Variants in HSF5 observed in about 807,000 individuals in gnomAD.
HSF5 encodes heat shock factor protein 5.
In HSF5, 5 loss-of-function variants were observed where a neutral mutation model predicts 50.8. The observed-to-expected ratio is 0.10, with a 90% CI of 0.05 to 0.21. HSF5 has a LOEUF of 0.21. Among genes scored for constraint, HSF5 ranks in the 10% least tolerant of loss-of-function variants. The pLI, the probability that HSF5 is intolerant of heterozygous loss-of-function variation, is 1.00. For synonymous variants in HSF5, 307 were observed against 307.4 expected (o/e 1.00, Z 0.02); for missense variants, 564 against 762.6 (o/e 0.74, Z 3.07).
chr17:58,450,356 A>G (rs1043400639), intron 5 of HSF5, among the ~76,000 whole-genome samples: 3 of 150,954 alleles, frequency 2.0e-5, no homozygotes, highest in African/African-American at 7.3e-5. Flanking sequence ...AAAAAAAAAA[A>G]AAAAAAAGAT....
intron 2 of HSF5, among the ~76,000 whole-genome samples, chr17:58,472,017 C>CTAA (rs1974953084): frequency 6.6e-6 from 1 of 152,048 alleles, no homozygotes; most frequent in Non-Finnish European, 1.5e-5. Flanking sequence ...CCATGCCTGG[C>CTAA]TAATTTTTTT....
At chr17:58,445,915 C>T (rs985947723) in intron 5 of HSF5, among the ~76,000 whole-genome samples, 2 of 152,088 alleles carry the variant, frequency 1.3e-5, no homozygotes. Flanking sequence ...GTGGGCAGAT[C>T]ACCCGAGGTC....
At chr17:58,474,864 A>T (rs1974990623) in intron 2 of HSF5, among the ~76,000 whole-genome samples, 1 of 152,182 alleles carries the variant, frequency 6.6e-6, no homozygotes, top group East Asian at 1.9e-4. Context: ...TACAGGTGTA[A>T]GCCACTATAC....
At chr17:58,433,339 G>C (rs1974387717) in intron 5 of HSF5, among the ~76,000 whole-genome samples, 1 of 152,164 alleles carries the variant, frequency 6.6e-6, no homozygotes, top group Non-Finnish European at 1.5e-5. Flanking sequence ...TTGGGGAAAA[G>C]GTAGAATATA....
intron 2 of HSF5, chr17:58,476,388 C>T (rs1480259720): frequency 9.7e-7 from 1 of 1,030,824 alleles, no homozygotes; most frequent in African/African-American, 1.6e-5. Context: ...TAAAGAAGCT[C>T]CCTGGTTCCT....
At chr17:58,436,423 A>G (rs1327238068) in intron 5 of HSF5, among the ~76,000 whole-genome samples, 1 of 151,806 alleles carries the variant, frequency 6.6e-6, no homozygotes, top group African/African-American at 2.4e-5. Flanking sequence ...TGAAAATGTG[A>G]TTAGGTGTCA....
intron 3 of HSF5, among the ~76,000 whole-genome samples, chr17:58,466,141 TTCCAAAATCTGAAAAAA>T (rs1479477429): frequency 6.6e-6 from 1 of 152,142 alleles, no homozygotes; most frequent in Non-Finnish European, 1.5e-5. Flanking sequence ...TTTGGAAATA[TTCCAAAATCTGAAAAAA>T]TCCAAAATCT....
chr17:58,474,687 A>G (rs1021161748), intron 2 of HSF5, among the ~76,000 whole-genome samples: 11 of 152,358 alleles, frequency 7.2e-5, no homozygotes, highest in Admixed American at 7.2e-4. Flanking sequence ...AGTGAATAAT[A>G]TATGAGTACT....
intron 2 of HSF5, among the ~76,000 whole-genome samples, chr17:58,470,365 A>G (rs896034369): frequency 6.6e-6 from 1 of 152,236 alleles, no homozygotes; most frequent in Non-Finnish European, 1.5e-5. Flanking sequence ...GACACATACT[A>G]CAATATAGAT....
At chr17:58,425,519 G>A (rs573778690) in intron 5 of HSF5, among the ~76,000 whole-genome samples, 4 of 130,040 alleles carry the variant, frequency 3.1e-5, no homozygotes, top group African/African-American at 1.2e-4. Flanking sequence ...TCCTATGATT[G>A]CATCTGTGAA....
chr17:58,458,482 G>T (rs1974743695), intron 5 of HSF5, among the ~76,000 whole-genome samples: 1 of 151,940 alleles, frequency 6.6e-6, no homozygotes. Flanking sequence ...CTTCATCCTT[G>T]CCTTCTCCAA....
intron 5 of HSF5, among the ~76,000 whole-genome samples, chr17:58,453,070 A>G (rs1974662272): frequency 1.3e-5 from 2 of 152,160 alleles, no homozygotes; most frequent in East Asian, 3.8e-4. Flanking sequence ...AGCAAAGAAA[A>G]GCCTAAGGCC....
chr17:58,474,466 T>C (rs940709161), intron 2 of HSF5, among the ~76,000 whole-genome samples: 2 of 152,158 alleles, frequency 1.3e-5, no homozygotes, highest in African/African-American at 4.8e-5. Context: ...CTATATACTG[T>C]ATACTATAAA....
At chr17:58,471,067 C>T (rs547579449) in intron 2 of HSF5, among the ~76,000 whole-genome samples, 3 of 152,212 alleles carry the variant, frequency 2.0e-5, no homozygotes, top group South Asian at 2.1e-4. Context: ...GGTTGGCATT[C>T]TCTAATAGGG....
At chr17:58,442,322 C>T (rs1315809749) in intron 5 of HSF5, among the ~76,000 whole-genome samples, 4 of 152,228 alleles carry the variant, frequency 2.6e-5, no homozygotes, top group African/African-American at 9.6e-5. Context: ...TGTAAACATA[C>T]AGGATGTATA....
intron 2 of HSF5, among the ~76,000 whole-genome samples, chr17:58,470,120 A>AC: frequency 6.6e-6 from 1 of 152,358 alleles, no homozygotes; most frequent in East Asian, 1.9e-4. Context: ...TGGCAACTAG[A>AC]ACCCCAGTAT....
chr17:58,474,221 T>G (rs1974982900), intron 2 of HSF5, among the ~76,000 whole-genome samples: 1 of 152,252 alleles, frequency 6.6e-6, no homozygotes, highest in Non-Finnish European at 1.5e-5. Context: ...CTTGGAGGAA[T>G]TAAGTATTTC....
intron 5 of HSF5, among the ~76,000 whole-genome samples, chr17:58,443,322 T>C (rs1006385689): frequency 6.6e-6 from 1 of 152,174 alleles, no homozygotes; most frequent in Non-Finnish European, 1.5e-5. Context: ...CTTTCATTCT[T>C]AGTTCCCCAA....
At chr17:58,426,045 A>T (rs999182259) in intron 5 of HSF5, among the ~76,000 whole-genome samples, 20 of 152,236 alleles carry the variant, frequency 1.3e-4, no homozygotes, top group Non-Finnish European at 8.8e-5. Flanking sequence ...AGGACAGGCC[A>T]TATGGTGGTA....
Sources: gnomAD v4.1 joint callset for allele counts (sites outside exome capture counted in the v4.1 genomes callset) on GRCh38, gnomAD v4.1.1 for gene constraint, MANE v1.5 for transcripts, NCBI Gene and HGNC (gene_info 2026-07-23, HGNC 2026-07-21) for gene names.